ATP2A3: variants seen among roughly 807,000 people sequenced by gnomAD.
The protein encoded by ATP2A3 is sarcoplasmic/endoplasmic reticulum calcium ATPase 3.
Under a neutral mutation model 106.8 loss-of-function variants are expected in ATP2A3, and 61 were observed. The ratio of observed to expected loss-of-function variants is 0.57; its 90% CI spans 0.46 to 0.71. The LOEUF is 0.71. ATP2A3 is among the 30% of genes least tolerant of loss of function. ATP2A3 has a pLI of 0.00. For synonymous variants in ATP2A3, 611 were observed against 609.3 expected (o/e 1.00, Z -0.04); for missense variants, 1,201 against 1,423.5 (o/e 0.84, Z 2.52).
intron 17 of ATP2A3, among the ~76,000 whole-genome samples, chr17:3,933,572 C>T (rs941016148): frequency 1.3e-5 from 2 of 151,094 alleles, no homozygotes; most frequent in Non-Finnish European, 2.9e-5. Flanking sequence ...CCTGTCTCTA[C>T]TAAAATACAA....
At chr17:3,938,884 C>T (rs1413228288) in intron 14 of ATP2A3, among the ~76,000 whole-genome samples, 3 of 152,246 alleles carry the variant, frequency 2.0e-5, no homozygotes, top group East Asian at 1.9e-4. Flanking sequence ...ATAGTTATGT[C>T]GGGCTGGGTG....
Position 3,930,728 on chromosome 17 carries a change from G to C in ATP2A3, c.2611-294C>G. On this transcript the variant is annotated intron_variant, in intron 17 of 20. Coordinates refer to ENST00000397041, the MANE Select transcript of ATP2A3 (RefSeq NM_005173.4). This position sits in a 1 kb window ranked among gnomAD's most constrained non-coding sequence, Gnocchi z 5.4. ...CTGGCATTAGCCTGGGGAGGCTAGC[G>C]GGAGCCTGGAGATCACTGAATAGGG... 1.9e-6 allele frequency: 1 copy of C among 518,230 alleles called. No individual in the cohort carries two copies. Among genetic ancestry groups the C allele is most frequent in the South Asian group, 2.0e-5 (1 of 49,920 alleles). The allele number at this position is 518,230 out of a possible 1,614,324, so 32.1% of individuals were successfully genotyped here.
chr17:3,951,027 G>A (rs2054388965), intron 5 of ATP2A3, among the ~76,000 whole-genome samples: 1 of 151,964 alleles, frequency 6.6e-6, no homozygotes, highest in African/African-American at 2.4e-5. Context: ...GAGGGATGGG[G>A]CTCCCAGGCC....
rs1344791990 is a variant in ATP2A3, at chr17:3,944,770, G to C, written c.1221C>G (p.Phe407Leu). Residue 407 changes from phenylalanine to leucine, a missense_variant, in exon 10 of 21, where the codon TTC becomes TTG. Transcript: ENST00000397041. ...QGDQPVRCGQ[F>L]DGLVELATIC... is the part of the protein sequence containing the mutation. ...TGGTCGCCAGCTCCACCAGCCCGTC[G>C]AACTGGCCGCAGCGCACAGGCTGAT... 1 of 1,612,696 alleles carries C rather than the reference G, an allele frequency of 6.2e-7. No homozygotes were observed. The highest frequency in any genetic ancestry group is 8.5e-7 in the Non-Finnish European group (1 of 1,179,550).
chr17:3,934,981 G>GT, intron 17 of ATP2A3: 1 of 594,512 alleles, frequency 1.7e-6, no homozygotes, highest in Non-Finnish European at 3.0e-6. Context: ...TGACTGGGAT[G>GT]GGGAGGCGCC....
chr17:3,947,702 G>C lies in ATP2A3; in HGVS notation c.784C>G (p.His262Asp). 4 of 1,611,548 alleles carry C rather than the reference G, an allele frequency of 2.5e-6. No individual in the cohort carries two copies. Among genetic ancestry groups the C allele is most frequent in the Non-Finnish European group, 3.4e-6 (4 of 1,179,902 alleles). ...KLDEFGRQLS[H>D]AISVICVAVW... ...GCCACGCAGATCACAGAGATGGCGT[G>C]GGACAGCTGCCGTCCAAACTCGTCC... is the stretch of plus-strand genomic sequence containing the variant. The change falls in exon 8 of 21, where the codon CAC becomes GAC. Residue 262 changes from histidine (H) to aspartate (D), a missense_variant. Coordinates refer to ENST00000397041, the MANE Select transcript of ATP2A3 (RefSeq NM_005173.4). The surrounding 1 kb of genome is among the most constrained non-coding windows in gnomAD (Gnocchi z 7.7).
chr17:3,951,757 CG>C (rs1286551450), intron 3 of ATP2A3, 72 bp from the exon 4 acceptor site: 4 of 1,407,040 alleles, frequency 2.8e-6, no homozygotes, highest in Non-Finnish European at 3.9e-6. Flanking sequence ...CTTGGCACCC[CG>C]GATCTCCTGC....
chr17:3,950,164 T>A (rs533162972), intron 7 of ATP2A3, among the ~76,000 whole-genome samples: 32,967 of 143,810 alleles, frequency 0.23, 4,208 homozygotes, highest in African/African-American at 0.34. Flanking sequence ...AAAAAAATAT[T>A]TTTTTTTTTT....
intron 1 of ATP2A3, among the ~76,000 whole-genome samples, chr17:3,959,786 C>T (rs1024001162): frequency 3.3e-5 from 5 of 152,232 alleles, no homozygotes; most frequent in Admixed American, 1.3e-4. Context: ...CCTTGCTCTG[C>T]GGGAGCCACT....
At chr17:3,937,911 C>T (rs996465957) in intron 14 of ATP2A3, among the ~76,000 whole-genome samples, 11 of 151,760 alleles carry the variant, frequency 7.2e-5, no homozygotes, top group African/African-American at 2.4e-4. Flanking sequence ...GGTGAGTCAG[C>T]GATGAGGGTA....
chr17:3,941,600 T>A lies in ATP2A3; in HGVS notation c.1600A>T (p.Thr534Ser), dbSNP rs774589382. The part of the protein sequence containing the change: ...RCSSVRVGSR[T>S]APLTPTSREQ... ...CTGGAGGTGGGGGTCAGGGGTGCTG[T>A]GCGGCTCCCCACGCGGACTGAGCTA... The change falls in exon 13 of 21, where the codon ACA becomes TCA. Residue 534 changes from threonine to serine, a missense_variant. This residue lies in a region of ATP2A3 where 935 missense variants were observed against 1,176.7 expected (regional missense o/e 0.79). Transcript: ENST00000397041. 1 of 1,612,374 alleles carries A rather than the reference T, an allele frequency of 6.2e-7. No individual in the cohort carries two copies. The highest frequency in any genetic ancestry group is 8.5e-7 in the Non-Finnish European group (1 of 1,179,968).
chr17:3,941,403 C>T (rs779387303), intron 13 of ATP2A3, 33 bp downstream of exon 13: 16 of 1,612,716 alleles, frequency 9.9e-6, no homozygotes, highest in Admixed American at 1.7e-5. Flanking sequence ...GCACCCACCT[C>T]GTACTGCAGG....
At position 3,937,364 on chromosome 17, in the gene ATP2A3, AG is replaced by A. The variant is rs1178288987; in HGVS notation, c.2321+51del. ...GAGGAACAGGCGTTTTCCCCATCTC[AG>A]GGGCACAGAGCGGATTGAGAGGGCT... is the stretch of plus-strand genomic sequence containing the variant. On this transcript the variant is annotated intron_variant, in intron 15 of 20. Coordinates refer to ENST00000397041, the MANE Select transcript of ATP2A3 (RefSeq NM_005173.4). 30 of 1,576,950 alleles carry A rather than the reference AG, an allele frequency of 1.9e-5. 1 individual carries two copies. Among genetic ancestry groups the A allele is most frequent in the Non-Finnish European group, 2.5e-5 (29 of 1,154,232 alleles).
At chr17:3,949,497 A>G (rs192978077) in intron 7 of ATP2A3, among the ~76,000 whole-genome samples, 3 of 152,298 alleles carry the variant, frequency 2.0e-5, no homozygotes, top group Admixed American at 1.3e-4. Context: ...TCCTTCCTCT[A>G]GAGCATTTCT....
In ATP2A3 at chr17:3,930,298, T is replaced by C. The variant is rs966537166; in HGVS notation, c.2744+3A>G. 1.7e-5 allele frequency: 27 copies of C among 1,579,980 alleles called. No homozygotes were observed. The highest frequency in any genetic ancestry group is 1.7e-4 in the Middle Eastern group (1 of 6,046). ...CCAGCTCCAGGCCCTGCGCCCAGCC[T>C]ACCTGTTGAGGGCATTGCACATTTC... On this transcript the variant is annotated splice_donor_region_variant and intron_variant, in intron 18 of 20. Transcript: ENST00000397041. The surrounding 1 kb of genome is among the most constrained non-coding windows in gnomAD (Gnocchi z 5.4).
intron 9 of ATP2A3, 62 bp downstream of exon 9, chr17:3,944,998 G>C: frequency 7.3e-7 from 1 of 1,362,710 alleles, no homozygotes; most frequent in Non-Finnish European, 9.5e-7. Context: ...CCACCTCGGC[G>C]CCGCCACGCG....
At position 3,950,578 on chromosome 17, in the gene ATP2A3, G is replaced by A; in HGVS notation, c.563C>T (p.Thr188Ile). ...SILTGESVSV[T>I]KHTEAIPDPR... ...GTCTGGGATGGCCTCTGTGTGCTTGGTCACGGACACAGATTCACCTGGTCA... is the reference window on the plus strand; with the variant it reads ...GTCTGGGATGGCCTCTGTGTGCTTGATCACGGACACAGATTCACCTGGTCA... Residue 188 changes from threonine to isoleucine, a missense_variant, in exon 7 of 21, where the codon ACC (threonine) becomes ATC (isoleucine). This residue lies in a region of ATP2A3 where 935 missense variants were observed against 1,176.7 expected (regional missense o/e 0.79). Coordinates refer to ENST00000397041, the MANE Select transcript of ATP2A3 (RefSeq NM_005173.4). 2 of 1,614,152 alleles carry A rather than the reference G, an allele frequency of 1.2e-6. No homozygotes were observed. The highest frequency in any genetic ancestry group is 1.7e-6 in the Non-Finnish European group (2 of 1,180,024).
At chr17:3,951,552 C>CA in intron 4 of ATP2A3, 29 bp downstream of exon 4, 8 of 1,365,990 alleles carry the variant, frequency 5.9e-6, no homozygotes, top group Non-Finnish European at 8.1e-6. Flanking sequence ...GACCGCCCCC[C>CA]GCCCGGTCCC....
chr17:3,951,558 G>GCCCCCCCCCCCCGCCCA, intron 4 of ATP2A3, 23 bp downstream of exon 4: 1 of 716,234 alleles, frequency 1.4e-6, no homozygotes, highest in Non-Finnish European at 2.1e-6. Flanking sequence ...CCCCCGCCCG[G>GCCCCCCCCCCCCGCCCA]TCCCACCCCC....
Sources: gnomAD v4.1 joint callset for allele counts (sites outside exome capture counted in the v4.1 genomes callset) on GRCh38, gnomAD v4.1.1 for gene constraint, gnomAD v4.1.1 regional missense constraint, Gnocchi (gnomAD v3.1) non-coding constraint, MANE v1.5 for transcripts, NCBI Gene and HGNC (gene_info 2026-07-23, HGNC 2026-07-21) for gene names.